Variants in GALNT10 observed in about 807,000 individuals in gnomAD.
GALNT10 encodes GalNAc transferase 10.
In GALNT10, 41 loss-of-function variants were observed where a neutral mutation model predicts 75.0. The ratio of observed to expected loss-of-function variants is 0.55; its 90% CI spans 0.43 to 0.71. The LOEUF is 0.71. Ranked by LOEUF, GALNT10 falls within the 30% of genes least tolerant of loss-of-function variation. The pLI is 0.00. For missense variants in GALNT10, 727 were observed against 818.5 expected (o/e 0.89, Z 1.36); for synonymous variants, 302 against 313.0 (o/e 0.96, Z 0.37).
intron 3 of GALNT10, among the ~76,000 whole-genome samples, chr5:154,299,246 A>G (rs1754326948): frequency 6.6e-6 from 1 of 152,214 alleles, no homozygotes; most frequent in Admixed American, 6.5e-5. Context: ...AATCAAAGCT[A>G]TGAGGAAGGG....
intron 1 of GALNT10, among the ~76,000 whole-genome samples, chr5:154,246,443 T>C (rs1753425122): frequency 6.6e-6 from 1 of 152,236 alleles, no homozygotes; most frequent in African/African-American, 2.4e-5. Flanking sequence ...AAAATGTTCC[T>C]ATTTCTCCAC....
At chr5:154,224,510 A>G (rs1196383095) in intron 1 of GALNT10, among the ~76,000 whole-genome samples, 1 of 152,244 alleles carries the variant, frequency 6.6e-6, no homozygotes, top group Non-Finnish European at 1.5e-5. Flanking sequence ...TTTGTTAGCT[A>G]ATTCTGATAA....
chr5:154,394,137 G>A (rs1755965815), intron 7 of GALNT10, among the ~76,000 whole-genome samples: 1 of 152,072 alleles, frequency 6.6e-6, no homozygotes, highest in East Asian at 1.9e-4. Flanking sequence ...AGCCATGTGA[G>A]GGGACGAGAG....
At chr5:154,297,116 G>A (rs1213000244) in intron 2 of GALNT10, among the ~76,000 whole-genome samples, 1 of 152,100 alleles carries the variant, frequency 6.6e-6, no homozygotes, top group Admixed American at 6.5e-5. Context: ...ACTATTGCAG[G>A]GGTCGATGTG....
At chr5:154,394,464 G>A (rs975161541) in intron 7 of GALNT10, among the ~76,000 whole-genome samples, 13 of 152,090 alleles carry the variant, frequency 8.5e-5, no homozygotes, top group Admixed American at 6.5e-4. Context: ...GGCCCAGAGC[G>A]GTTAGGTGAC....
intron 1 of GALNT10, among the ~76,000 whole-genome samples, chr5:154,239,563 C>T (rs1051630185): frequency 2.6e-5 from 4 of 152,336 alleles, no homozygotes; most frequent in Non-Finnish European, 4.4e-5. Context: ...CCTCACCCCC[C>T]GGACCCCGGT....
intron 1 of GALNT10, among the ~76,000 whole-genome samples, chr5:154,284,971 C>A (rs1267761676): frequency 6.6e-6 from 1 of 152,118 alleles, no homozygotes; most frequent in African/African-American, 2.4e-5. Flanking sequence ...ATAATAAACC[C>A]ACCACTTAAG....
chr5:154,200,150 C>T (rs937435498), intron 1 of GALNT10, among the ~76,000 whole-genome samples: 1 of 152,132 alleles, frequency 6.6e-6, no homozygotes, highest in African/African-American at 2.4e-5. Flanking sequence ...ACTGAGACCC[C>T]CATGAGCCTG....
At chr5:154,407,457 T>C (rs997187145) in intron 8 of GALNT10, among the ~76,000 whole-genome samples, 1 of 148,670 alleles carries the variant, frequency 6.7e-6, no homozygotes, top group Non-Finnish European at 1.5e-5. Flanking sequence ...ATTAAAATGG[T>C]AATTATAATT....
At chr5:154,410,346 C>T (rs560896715) in intron 9 of GALNT10, among the ~76,000 whole-genome samples, 6 of 145,218 alleles carry the variant, frequency 4.1e-5, no homozygotes, top group Non-Finnish European at 9.0e-5. Context: ...CAACATTTTC[C>T]TATGGGAAAC....
In GALNT10 at chr5:154,415,769, G is replaced by A. The variant is rs1442993603; in HGVS notation, c.1504-14G>A. 2 of 1,602,330 alleles carry A rather than the reference G, an allele frequency of 1.2e-6. No homozygotes were observed. The highest frequency in any genetic ancestry group is 2.7e-5 in the African/African-American group (2 of 74,456). Reference sequence around the variant, plus strand: ...TGGCTTTGCTATCCCTATTTATGATGCCCCTGTGCACAGGTATTCACCTTC... The same window carrying A: ...TGGCTTTGCTATCCCTATTTATGATACCCCTGTGCACAGGTATTCACCTTC... On this transcript the variant is annotated splice_polypyrimidine_tract_variant and intron_variant, in intron 10 of 11. Transcript: ENST00000297107.
chr5:154,255,037 G>T (rs545528477), intron 1 of GALNT10, among the ~76,000 whole-genome samples: 1 of 152,096 alleles, frequency 6.6e-6, no homozygotes, highest in Non-Finnish European at 1.5e-5. Flanking sequence ...GCCCAGGTTG[G>T]TCAACTCCTG....
chr5:154,404,361 A>T, intron 8 of GALNT10, 150 bp downstream of exon 8: 1 of 573,652 alleles, frequency 1.7e-6, no homozygotes. Context: ...ATTTAAAAGA[A>T]CTCCCTTAAA....
At chr5:154,192,917 G>A (rs962433751) in intron 1 of GALNT10, among the ~76,000 whole-genome samples, 2 of 152,278 alleles carry the variant, frequency 1.3e-5, no homozygotes, top group African/African-American at 2.4e-5. Flanking sequence ...AGAAGGTCAA[G>A]GTTAACTGCC....
At chr5:154,219,733 C>T (rs1752941596) in intron 1 of GALNT10, 10 of 152,000 alleles carry the variant, frequency 6.6e-5, no homozygotes, top group Admixed American at 6.6e-4. Flanking sequence ...GTGATCTTTC[C>T]AAGCCCAACG....
At chr5:154,216,997 T>C (rs945108118) in intron 1 of GALNT10, among the ~76,000 whole-genome samples, 1 of 152,210 alleles carries the variant, frequency 6.6e-6, no homozygotes, top group Non-Finnish European at 1.5e-5. Flanking sequence ...CTGCTTTAAT[T>C]ATGAGACCGT....
chr5:154,282,387 CAT>C (rs1306643276), intron 1 of GALNT10, among the ~76,000 whole-genome samples: 1 of 152,206 alleles, frequency 6.6e-6, no homozygotes, highest in African/African-American at 2.4e-5. Context: ...ACTCGCCTCT[CAT>C]TGACAGAACC....
intron 4 of GALNT10, among the ~76,000 whole-genome samples, chr5:154,374,085 A>C (rs17116009): frequency 0.013 from 1,970 of 152,202 alleles, 44 homozygotes; most frequent in African/African-American, 0.045. Context: ...AGTGTTCCTG[A>C]CCAAACAGCA....
In GALNT10 at chr5:154,226,030, GT is replaced by G. The variant is rs546566992; in HGVS notation, c.159+35007del. Among the ~76,000 whole-genome samples the G allele has an allele frequency of 3.6e-4, 54 of 151,936 alleles. No homozygotes were observed. The South Asian group carries it at 6.0e-3, about 17-fold the overall frequency. ...GATAGCATTAGGAGATATACCTAAT[GT>G]TAAATGACGAGTTAATGGGTGCAGC... On this transcript the variant is annotated intron_variant, in intron 1 of 11. Transcript: ENST00000297107.
Sources: gnomAD v4.1 joint callset for allele counts (sites outside exome capture counted in the v4.1 genomes callset) on GRCh38, gnomAD v4.1.1 for gene constraint, MANE v1.5 for transcripts, NCBI Gene and HGNC (gene_info 2026-07-23, HGNC 2026-07-21) for gene names.